The following NCOA2 variants were observed in gnomAD, a reference collection of about 807,000 sequenced individuals.
NCOA2 encodes the protein class E basic helix-loop-helix protein 75.
A neutral mutation model predicts 145.1 loss-of-function variants in NCOA2; 21 were observed. The observed-to-expected ratio is 0.14, with a 90% CI of 0.10 to 0.21. The LOEUF is 0.21. Ranked by LOEUF, NCOA2 falls within the 10% of genes least tolerant of loss-of-function variation. The probability of loss-of-function intolerance (pLI) is 1.00; values close to 1 mark genes in which losing one functional copy is unlikely to be tolerated. For missense variants in NCOA2, 1,472 were observed against 1,837.6 expected (o/e 0.80, Z 3.64); for synonymous variants, 619 against 637.5 (o/e 0.97, Z 0.44).
chr8:70,441,844 CAGAA>C, the NCOA2 span, among the ~76,000 whole-genome samples: 6 of 140,084 alleles, frequency 4.3e-5, no homozygotes, highest in African/African-American at 1.6e-4. Context: ...GAAAGAAAGA[CAGAA>C]AGACAGACAG....
chr8:70,150,220 G>T (rs115277990), intron 11 of NCOA2, among the ~76,000 whole-genome samples: 1,796 of 152,208 alleles, frequency 0.012, 49 homozygotes, highest in African/African-American at 0.041. Context: ...AAAGAGGGAG[G>T]TATCTAATAC....
intron 1 of NCOA2, among the ~76,000 whole-genome samples, chr8:70,383,823 CT>C (rs1326335130): frequency 6.6e-6 from 1 of 152,036 alleles, no homozygotes; most frequent in Non-Finnish European, 1.5e-5. Context: ...TTCTTTATTG[CT>C]ATTTGAATGC....
intron 1 of NCOA2, among the ~76,000 whole-genome samples, chr8:70,396,064 T>G (rs949315557): frequency 1.3e-5 from 2 of 152,196 alleles, no homozygotes; most frequent in Non-Finnish European, 2.9e-5. Context: ...TGACTGAATA[T>G]ATTATCAGCC....
At chr8:70,260,694 T>C (rs1249825676) in intron 2 of NCOA2, among the ~76,000 whole-genome samples, 1 of 152,210 alleles carries the variant, frequency 6.6e-6, no homozygotes, top group Non-Finnish European at 1.5e-5. Context: ...AACATCCATG[T>C]TCTACTCTTA....
In NCOA2 at chr8:70,242,313, TC is replaced by T. The variant is rs1822207465; in HGVS notation, c.-19-25550del. ...ATAGTGTTTGGTGTTTCTTATAAAA[TC>T]TTTAATAAAACATACATAGCAATAA... On this transcript the variant is annotated intron_variant, in intron 2 of 22. Transcript: ENST00000452400. Among the ~76,000 whole-genome samples, 5 of 152,196 alleles carry T rather than the reference TC, an allele frequency of 3.3e-5. No homozygotes were observed. In the South Asian group the frequency reaches 1.0e-3, roughly 32 times the overall value.
chr8:70,253,038 ACCTTT>A (rs776181857), intron 2 of NCOA2, among the ~76,000 whole-genome samples: 42 of 152,050 alleles, frequency 2.8e-4, no homozygotes, highest in Non-Finnish European at 1.2e-4. Context: ...TATTTCTTTC[ACCTTT>A]CCTTTCCTTT....
Position 70,136,732 on chromosome 8 carries a change from C to T in NCOA2, c.3158+1471G>A, listed in dbSNP as rs73687607. 8.1e-3 allele frequency among the ~76,000 whole-genome samples: 1,235 copies of T among 152,222 alleles called. 17 individuals are homozygous for T. Among genetic ancestry groups the T allele is most frequent in the African/African-American group, 0.027 (1,107 of 41,538 alleles). ...TGGTTCCTAAATATTAACTGTGATGCTTATAAAGGGGATTTTTAAAAAGCA... is the reference window on the plus strand; with the variant it reads ...TGGTTCCTAAATATTAACTGTGATGTTTATAAAGGGGATTTTTAAAAAGCA... On this transcript the variant is annotated intron_variant, in intron 15 of 22. Coordinates refer to ENST00000452400, the MANE Select transcript of NCOA2 (RefSeq NM_006540.4).
chr8:70,133,943 G>A (rs1032916679), intron 15 of NCOA2, among the ~76,000 whole-genome samples: 1 of 152,056 alleles, frequency 6.6e-6, no homozygotes, highest in African/African-American at 2.4e-5. Flanking sequence ...GTCCCTTGAG[G>A]CCACGCGTCA....
At chr8:70,249,606 G>A (rs558216384) in intron 2 of NCOA2, among the ~76,000 whole-genome samples, 1 of 152,206 alleles carries the variant, frequency 6.6e-6, no homozygotes, top group Admixed American at 6.5e-5. Context: ...TCAATTGATG[G>A]TAGCCACCAT....
Position 70,124,879 on chromosome 8 carries a change from AC to A in NCOA2, c.3917-15del. On this transcript the variant is annotated splice_polypyrimidine_tract_variant and intron_variant, in intron 19 of 22. Transcript: ENST00000452400. ...GCTGACTTATTCCTTAAAAAAAAAA[AC>A]AGAAACAGAAATCCAAAAGAGACTG... 6.4e-7 allele frequency: 1 copy of A among 1,558,896 alleles called. No homozygotes were observed. Among genetic ancestry groups the A allele is most frequent in the East Asian group, 2.3e-5 (1 of 44,382 alleles).
At chr8:70,306,085 A>G (rs1298762011) in intron 1 of NCOA2, among the ~76,000 whole-genome samples, 1 of 152,196 alleles carries the variant, frequency 6.6e-6, no homozygotes, top group Non-Finnish European at 1.5e-5. Flanking sequence ...TTTTCATTTT[A>G]CTAGGTGCCT....
intron 6 of NCOA2, among the ~76,000 whole-genome samples, chr8:70,166,962 AT>A (rs975331490): frequency 3.3e-5 from 5 of 151,130 alleles, no homozygotes; most frequent in South Asian, 2.1e-4. Flanking sequence ...CTTTTTTCCA[AT>A]TTTTTTTTCT....
At chr8:70,325,930 G>C (rs1415302729) in intron 1 of NCOA2, among the ~76,000 whole-genome samples, 1 of 152,066 alleles carries the variant, frequency 6.6e-6, no homozygotes, top group Non-Finnish European at 1.5e-5. Flanking sequence ...GTAGCTGACT[G>C]CTCTCCCTGG....
At chr8:70,254,566 C>A (rs1166821080) in intron 2 of NCOA2, among the ~76,000 whole-genome samples, 1 of 152,144 alleles carries the variant, frequency 6.6e-6, no homozygotes, top group African/African-American at 2.4e-5. Context: ...CATAAACGAA[C>A]CTTGAAGATT....
At chr8:70,181,732 G>A (rs760953872) in intron 4 of NCOA2, among the ~76,000 whole-genome samples, 71 of 152,270 alleles carry the variant, frequency 4.7e-4, no homozygotes, top group Non-Finnish European at 5.9e-4. Flanking sequence ...GTAGACTGAC[G>A]TCAAACACAA....
At chr8:70,149,589 AAAAC>A (rs1034932979) in intron 11 of NCOA2, among the ~76,000 whole-genome samples, 5 of 152,036 alleles carry the variant, frequency 3.3e-5, no homozygotes, top group Admixed American at 1.3e-4. Context: ...ATTAAAAAAA[AAAAC>A]AAAATTCAAG....
the NCOA2 span, among the ~76,000 whole-genome samples, chr8:70,442,974 A>C: frequency 6.6e-6 from 1 of 152,228 alleles, no homozygotes; most frequent in Non-Finnish European, 1.5e-5. Flanking sequence ...ATCCGTACGC[A>C]GTCCATTGCA....
At chr8:70,296,581 T>TGTAA (rs1827105668) in intron 2 of NCOA2, among the ~76,000 whole-genome samples, 163 bp downstream of exon 2, 1 of 152,180 alleles carries the variant, frequency 6.6e-6, no homozygotes, top group South Asian at 2.1e-4. Flanking sequence ...CCAATACATT[T>TGTAA]GTAAGGAACT....
chr8:70,259,689 G>T (rs751923095), intron 2 of NCOA2, among the ~76,000 whole-genome samples: 1 of 152,126 alleles, frequency 6.6e-6, no homozygotes, highest in African/African-American at 2.4e-5. Flanking sequence ...AGAATTTAGA[G>T]TCTTAGACAC....
Sources: gnomAD v4.1 joint callset for allele counts (sites outside exome capture counted in the v4.1 genomes callset) on GRCh38, gnomAD v4.1.1 for gene constraint, MANE v1.5 for transcripts, NCBI Gene and HGNC (gene_info 2026-07-23, HGNC 2026-07-21) for gene names.